MTCH2: variants seen among roughly 807,000 people sequenced by gnomAD.
MTCH2 encodes the protein mitochondrial carrier 2.
A neutral mutation model predicts 50.6 loss-of-function variants in MTCH2; 25 were observed. That is an observed-to-expected ratio of 0.49 (90% CI 0.36 to 0.69). MTCH2 has a LOEUF of 0.69. Ranked by LOEUF, MTCH2 falls within the 30% of genes least tolerant of loss-of-function variation. The pLI, the probability that MTCH2 is intolerant of heterozygous loss-of-function variation, is 0.00. For synonymous variants in MTCH2, 106 were observed against 132.0 expected, an observed-to-expected ratio of 0.80 and a Z score of 1.35; for missense variants, 273 against 384.4, an observed-to-expected ratio of 0.71 and a Z score of 2.42.
intron 3 of MTCH2, among the ~76,000 whole-genome samples, chr11:47,636,741 A>C (rs568756923): frequency 2.0e-5 from 3 of 151,860 alleles, no homozygotes; most frequent in East Asian, 1.9e-4. Context: ...TCAAAAAAAA[A>C]CAACAAAAAA....
At chr11:47,606,858 G>A in the MTCH2 span, among the ~76,000 whole-genome samples, 105 of 152,324 alleles carry the variant, frequency 6.9e-4, no homozygotes, top group African/African-American at 2.2e-3. Context: ...TGAATGTGAA[G>A]AGTTTATCAG....
At chr11:47,640,447 G>C (rs1271843892) in intron 1 of MTCH2, among the ~76,000 whole-genome samples, 2 of 151,938 alleles carry the variant, frequency 1.3e-5, no homozygotes, top group African/African-American at 2.4e-5. Flanking sequence ...ACAGAGTTTC[G>C]CTCTTGTCGC....
At chr11:47,608,683 T>C in the MTCH2 span, among the ~76,000 whole-genome samples, 6 of 151,968 alleles carry the variant, frequency 3.9e-5, no homozygotes, top group South Asian at 2.1e-4. Flanking sequence ...TCTTGGCCGA[T>C]TGCGGTGGCT....
At chr11:47,629,441 C>T (rs3817334) in intron 8 of MTCH2, 75,843 of 206,740 alleles carry the variant, frequency 0.37, 14,487 homozygotes, top group Middle Eastern at 0.45. Flanking sequence ...GAGCAAAAGA[C>T]GAGAAAAATT....
the MTCH2 span, among the ~76,000 whole-genome samples, chr11:47,610,951 G>T: frequency 6.6e-6 from 1 of 152,148 alleles, no homozygotes; most frequent in Non-Finnish European, 1.5e-5. Flanking sequence ...ATGGTGCTTG[G>T]TTCCGGCTTC....
intron 4 of MTCH2, among the ~76,000 whole-genome samples, chr11:47,635,146 A>G (rs2097307390): frequency 6.6e-6 from 1 of 152,036 alleles, no homozygotes; most frequent in African/African-American, 2.4e-5. Flanking sequence ...TGATGTGATC[A>G]TGGATCACTG....
intron 12 of MTCH2, 114 bp from the exon 13 acceptor site, chr11:47,619,033 G>T (rs1234885681): frequency 3.5e-6 from 3 of 852,736 alleles, no homozygotes; most frequent in Non-Finnish European, 3.9e-6. Context: ...GACAAAACTG[G>T]GACTATCACT....
At chr11:47,635,081 C>T (rs1295654895) in intron 4 of MTCH2, among the ~76,000 whole-genome samples, 2 of 150,700 alleles carry the variant, frequency 1.3e-5, no homozygotes, top group African/African-American at 2.4e-5. Context: ...CCGATCTTGA[C>T]GGTTTTTATT....
At chr11:47,605,730 C>T in the MTCH2 span, among the ~76,000 whole-genome samples, 1 of 152,078 alleles carries the variant, frequency 6.6e-6, no homozygotes, top group Non-Finnish European at 1.5e-5. Flanking sequence ...TCTCTGAGAT[C>T]GATATTTTCC....
At chr11:47,616,622 C>T (rs149373608), downstream of MTCH2, among the ~76,000 whole-genome samples, 1 of 152,046 alleles carries the variant, frequency 6.6e-6, no homozygotes, top group African/African-American at 2.4e-5. Flanking sequence ...CCACCACAAC[C>T]AGCCTAAGTT....
intron 3 of MTCH2, 112 bp from the exon 4 acceptor site, chr11:47,635,683 G>T: frequency 2.5e-5 from 24 of 967,318 alleles, no homozygotes; most frequent in East Asian, 5.8e-5. Flanking sequence ...TTTTTTTAAA[G>T]TTTTTGTTTT....
intron 10 of MTCH2, 56 bp downstream of exon 10, chr11:47,627,024 A>G: frequency 7.2e-7 from 1 of 1,384,948 alleles, no homozygotes; most frequent in Non-Finnish European, 1.0e-6. Flanking sequence ...TTTAAAAGGA[A>G]AACAAAACAA....
chr11:47,632,870 T>G (rs1227255050), intron 5 of MTCH2, among the ~76,000 whole-genome samples: 1 of 151,158 alleles, frequency 6.6e-6, no homozygotes, highest in Non-Finnish European at 1.5e-5. Flanking sequence ...AGTTAATTTT[T>G]TTTGTATTTT....
chr11:47,621,090 G>A (rs985238649), intron 12 of MTCH2, among the ~76,000 whole-genome samples: 1 of 152,168 alleles, frequency 6.6e-6, no homozygotes, highest in Non-Finnish European at 1.5e-5. Context: ...GGACCACACT[G>A]TACAATAGAG....
At chr11:47,609,722 G>A in the MTCH2 span, among the ~76,000 whole-genome samples, 1 of 151,890 alleles carries the variant, frequency 6.6e-6, no homozygotes, top group South Asian at 2.1e-4. Flanking sequence ...CCAGAAGCCT[G>A]TGTAGGTAGA....
intron 3 of MTCH2, among the ~76,000 whole-genome samples, chr11:47,636,971 T>TG (rs2097309271): frequency 6.6e-6 from 1 of 151,226 alleles, no homozygotes; most frequent in South Asian, 2.1e-4. Flanking sequence ...GTTTTTTTTT[T>TG]TTTTTAGATG....
chr11:47,631,829 T>A (rs2097303368), intron 5 of MTCH2, 118 bp from the exon 6 acceptor site: 1 of 971,036 alleles, frequency 1.0e-6, no homozygotes, highest in Non-Finnish European at 1.6e-6. Context: ...ACAGCCCTCC[T>A]GCCCTGGCTG....
At chr11:47,636,435 G>GA (rs1057474975) in intron 3 of MTCH2, among the ~76,000 whole-genome samples, 7 of 144,082 alleles carry the variant, frequency 4.9e-5, no homozygotes, top group Non-Finnish European at 7.6e-5. Context: ...CTCCATCTCA[G>GA]AAAAAAAGAA....
At chr11:47,640,155 C>A (rs1442964884) in intron 1 of MTCH2, among the ~76,000 whole-genome samples, 11 of 151,932 alleles carry the variant, frequency 7.2e-5, no homozygotes, top group Non-Finnish European at 1.5e-4. Flanking sequence ...ATGGTGAAAC[C>A]CTGTCTCTAC....
Sources: gnomAD v4.1 joint callset for allele counts (sites outside exome capture counted in the v4.1 genomes callset) on GRCh38, gnomAD v4.1.1 for gene constraint, MANE v1.5 for transcripts, NCBI Gene and HGNC (gene_info 2026-07-23, HGNC 2026-07-21) for gene names.